The following FARP1 variants were observed in gnomAD, a reference collection of about 807,000 sequenced individuals.
FARP1 encodes FERM, ARH/RhoGEF and pleckstrin domain protein 1.
Under a neutral mutation model 128.8 loss-of-function variants are expected in FARP1, and 52 were observed. The ratio of observed to expected loss-of-function variants is 0.40; its 90% CI spans 0.32 to 0.51. The LOEUF (loss-of-function observed/expected upper bound fraction) is 0.51, where lower values mean the gene tolerates loss of function less well. Among genes scored for constraint, FARP1 ranks in the 20% least tolerant of loss-of-function variants. The pLI is 0.45. For synonymous variants in FARP1, 580 were observed against 551.8 expected, an observed-to-expected ratio of 1.05 and a Z score of -0.72; for missense variants, 1,333 against 1,367.9, an observed-to-expected ratio of 0.97 and a Z score of 0.40.
At chr13:98,428,734 G>GT (rs777359841) in intron 17 of FARP1, among the ~76,000 whole-genome samples, 2 of 152,176 alleles carry the variant, frequency 1.3e-5, no homozygotes, top group Non-Finnish European at 2.9e-5. Flanking sequence ...CTTGGCCTGG[G>GT]TGTGTGCATT....
At chr13:98,336,747 A>T (rs367963028) in intron 2 of FARP1, among the ~76,000 whole-genome samples, 1 of 152,210 alleles carries the variant, frequency 6.6e-6, no homozygotes, top group Non-Finnish European at 1.5e-5. Flanking sequence ...TGAAAAGCCA[A>T]TTGAGGATGG....
At chr13:98,335,175 A>G (rs1887689353) in intron 2 of FARP1, among the ~76,000 whole-genome samples, 1 of 152,092 alleles carries the variant, frequency 6.6e-6, no homozygotes, top group South Asian at 2.1e-4. Context: ...CATGTACTCC[A>G]ATTTAGCTGG....
Position 98,439,157 on chromosome 13 carries a change from G to A in FARP1, c.2394G>A (p.Gln798=). The stretch of plus-strand genomic sequence containing the variant: ...GCCGGGGGCTGACGGCCTCCAATCA[G>A]TTTAAAGTCCACGGGCAGCTCCCGC... The part of the protein sequence containing the change: ...YTSRGLTASN[Q]FKVHGQLPLY... The change falls in exon 21 of 27, where the codon CAG becomes CAA. Residue 798 remains glutamine (Q), a synonymous_variant. Coordinates refer to ENST00000319562, the MANE Select transcript of FARP1 (RefSeq NM_005766.4). The A allele has an allele frequency of 6.2e-7, 1 of 1,613,982 alleles. No homozygotes were observed. The highest frequency in any genetic ancestry group is 8.5e-7 in the Non-Finnish European group (1 of 1,179,916).
intron 2 of FARP1, among the ~76,000 whole-genome samples, chr13:98,336,247 G>A (rs1230435589): frequency 3.3e-5 from 5 of 152,088 alleles, no homozygotes; most frequent in African/African-American, 1.2e-4. Flanking sequence ...TGTTGTTTTT[G>A]TTCGTTTGTT....
At chr13:98,249,584 C>T (rs1566793068) in intron 2 of FARP1, among the ~76,000 whole-genome samples, 1 of 152,090 alleles carries the variant, frequency 6.6e-6, no homozygotes, top group African/African-American at 2.4e-5. Context: ...GTTTCCCCAC[C>T]ATGTTCTTCA....
At chr13:98,371,554 C>T (rs1464023442) in intron 5 of FARP1, among the ~76,000 whole-genome samples, 2 of 144,796 alleles carry the variant, frequency 1.4e-5, no homozygotes, top group Non-Finnish European at 3.2e-5. Flanking sequence ...ATCTGAAATT[C>T]CTACTTTTTT....
At chr13:98,359,984 A>T (rs1357620384) in intron 3 of FARP1, among the ~76,000 whole-genome samples, 1 of 151,626 alleles carries the variant, frequency 6.6e-6, no homozygotes, top group Non-Finnish European at 1.5e-5. Context: ...CAGCTGAATT[A>T]TGGAAGAACA....
At chr13:98,380,736 G>A (rs1889862660) in intron 6 of FARP1, among the ~76,000 whole-genome samples, 1 of 151,974 alleles carries the variant, frequency 6.6e-6, no homozygotes, top group Non-Finnish European at 1.5e-5. Context: ...ATCAGGTCTA[G>A]CTAATTTTTT....
At chr13:98,262,803 A>G (rs1449873386) in intron 2 of FARP1, among the ~76,000 whole-genome samples, 1 of 152,174 alleles carries the variant, frequency 6.6e-6, no homozygotes, top group Non-Finnish European at 1.5e-5. Context: ...ACCCGAAGTT[A>G]ACTTACCAGA....
chr13:98,430,133 A>G (rs533025958), intron 17 of FARP1, among the ~76,000 whole-genome samples: 6 of 152,150 alleles, frequency 3.9e-5, no homozygotes, highest in African/African-American at 1.4e-4. Context: ...TCAAGCCTGC[A>G]GTCCCAGCTG....
intron 2 of FARP1, among the ~76,000 whole-genome samples, chr13:98,242,362 T>A (rs1740472677): frequency 6.6e-6 from 1 of 152,214 alleles, no homozygotes; most frequent in South Asian, 2.1e-4. Flanking sequence ...GGGGATCATT[T>A]TTCATCCTAA....
chr13:98,212,435 A>G (rs1040002307), intron 1 of FARP1, among the ~76,000 whole-genome samples: 2 of 152,214 alleles, frequency 1.3e-5, no homozygotes, highest in Non-Finnish European at 2.9e-5. Context: ...ACTCAGCCAC[A>G]GCAAGCCACG....
At chr13:98,189,342 A>G (rs1211553071) in intron 1 of FARP1, among the ~76,000 whole-genome samples, 2 of 151,914 alleles carry the variant, frequency 1.3e-5, no homozygotes, top group East Asian at 3.8e-4. Flanking sequence ...TTTATAATGC[A>G]TTCTTAAATA....
intron 1 of FARP1, among the ~76,000 whole-genome samples, chr13:98,184,373 A>G (rs1397153273): frequency 6.6e-6 from 1 of 152,110 alleles, no homozygotes; most frequent in African/African-American, 2.4e-5. Context: ...CTGCCTCCCA[A>G]AGTGCTGGGA....
At chr13:98,432,326 A>G (rs1233973481) in intron 18 of FARP1, 1 of 152,280 alleles carries the variant, frequency 6.6e-6, no homozygotes, top group Non-Finnish European at 1.5e-5. Context: ...CAATTGCATT[A>G]TCCCATTTTA....
chr13:98,451,846 CAG>C lies in FARP1; in HGVS notation c.*3531_*3532del, dbSNP rs1303157119. On this transcript the variant is annotated 3_prime_UTR_variant, in exon 27 of 27. Transcript: ENST00000319562. ...AGGTCCCACAGCAAACCAAGAAAAA[CAG>C]ACACACTGGCTGCCTGCCTAGCAAG... 2 of 152,452 alleles carry C rather than the reference CAG, an allele frequency of 1.3e-5. No homozygotes were observed. The highest frequency in any genetic ancestry group is 1.9e-4 in the East Asian group (1 of 5,192). 9.4% of individuals were successfully genotyped at this position (152,452 alleles called of 1,614,324 possible).
At chr13:98,320,400 A>G (rs1391988568) in intron 2 of FARP1, among the ~76,000 whole-genome samples, 1 of 152,194 alleles carries the variant, frequency 6.6e-6, no homozygotes, top group Non-Finnish European at 1.5e-5. Flanking sequence ...TGGGAATAAC[A>G]CCTGTGCCTG....
intron 1 of FARP1, among the ~76,000 whole-genome samples, chr13:98,182,532 G>T (rs150627584): frequency 2.0e-5 from 3 of 152,186 alleles, no homozygotes; most frequent in African/African-American, 7.2e-5. Context: ...TCGCCATATT[G>T]CCCAGGCTGG....
At chr13:98,241,324 G>A (rs570566339) in intron 2 of FARP1, among the ~76,000 whole-genome samples, 12 of 137,208 alleles carry the variant, frequency 8.7e-5, no homozygotes, top group African/African-American at 2.8e-4. Flanking sequence ...AGAAGCTTTT[G>A]AGAAGCACCT....
Sources: gnomAD v4.1 joint callset for allele counts (sites outside exome capture counted in the v4.1 genomes callset) on GRCh38, gnomAD v4.1.1 for gene constraint, MANE v1.5 for transcripts, NCBI Gene and HGNC (gene_info 2026-07-23, HGNC 2026-07-21) for gene names.